The following HBP1 variants were observed in gnomAD, a reference collection of about 807,000 sequenced individuals.
HBP1 encodes HMG box-containing protein 1.
A neutral mutation model predicts 62.6 loss-of-function variants in HBP1; 20 were observed. That is an observed-to-expected ratio of 0.32 (90% CI 0.22 to 0.46). The LOEUF is 0.46. Ranked by LOEUF, HBP1 falls within the 20% of genes least tolerant of loss-of-function variation. The probability of loss-of-function intolerance (pLI) is 1.00; values close to 1 mark genes in which losing one functional copy is unlikely to be tolerated. For synonymous variants in HBP1, 232 were observed against 206.2 expected (o/e 1.12, Z -1.07); for missense variants, 480 against 611.8 (o/e 0.78, Z 2.27).
chr7:107,176,700 A>AT (rs10713097), intron 1 of HBP1, among the ~76,000 whole-genome samples: 2,432 of 129,912 alleles, frequency 0.019, 65 homozygotes, highest in African/African-American at 0.056. Flanking sequence ...AATTTGCTCC[A>AT]TTTTTTTTTT....
intron 1 of HBP1, among the ~76,000 whole-genome samples, chr7:107,171,073 A>ATATATATATATATT: frequency 4.6e-5 from 4 of 87,192 alleles, no homozygotes; most frequent in African/African-American, 2.0e-4. Flanking sequence ...ATATATATAT[A>ATATATATATATATT]TTTTTTTTTT....
intron 8 of HBP1, among the ~76,000 whole-genome samples, chr7:107,193,567 GGTTT>G (rs1242464059): frequency 3.9e-5 from 6 of 152,050 alleles, no homozygotes; most frequent in Non-Finnish European, 7.4e-5. Context: ...GAGGCTACAG[GGTTT>G]ATTTAACTTG....
intron 1 of HBP1, among the ~76,000 whole-genome samples, chr7:107,177,290 C>T (rs556745487): frequency 1.3e-5 from 2 of 152,246 alleles, no homozygotes; most frequent in Admixed American, 6.5e-5. Flanking sequence ...AATCAAAACC[C>T]GTTTCCTTAC....
Position 107,169,124 on chromosome 7 carries a change from C to G in HBP1, c.-77C>G, listed in dbSNP as rs1584465602. On this transcript the variant is annotated 5_prime_UTR_variant, in exon 1 of 11. Transcript: ENST00000222574. ...GTCGGTCGGAGAGGGGGTACGAGAGCTGCTGGTGGTGTTGTCGTGGCCGGA... is the reference window on the plus strand; with the variant it reads ...GTCGGTCGGAGAGGGGGTACGAGAGGTGCTGGTGGTGTTGTCGTGGCCGGA... The G allele has an allele frequency of 1.1e-5, 14 of 1,257,010 alleles. No individual in the cohort carries two copies. The highest frequency in any genetic ancestry group is 1.2e-5 in the Non-Finnish European group (12 of 971,644). 77.9% of individuals were successfully genotyped at this position (1,257,010 alleles called of 1,614,324 possible).
chr7:107,182,506 T>TTC lies in HBP1; in HGVS notation c.303_304insTC (p.Thr102SerfsTer11), dbSNP rs1797157849. The TTC allele has an allele frequency of 1.2e-6, 2 of 1,613,272 alleles. No individual in the cohort carries two copies. Among genetic ancestry groups the TTC allele is most frequent in the Non-Finnish European group, 1.7e-6 (2 of 1,179,350 alleles). On this transcript the variant is annotated frameshift_variant, in exon 3 of 11. Coordinates refer to ENST00000222574, the MANE Select transcript of HBP1 (RefSeq NM_012257.4). LOFTEE classifies it high-confidence loss of function. Reference sequence around the variant, plus strand: ...AAAATACCTCAGACATACCAGAAACTACTTACCGTGAAAATGAGGTGGACT... The same window carrying TTC: ...AAAATACCTCAGACATACCAGAAACTTCACTTACCGTGAAAATGAGGTGGACT...
At chr7:107,174,778 G>A (rs1796754273) in intron 1 of HBP1, 1 of 840,522 alleles carries the variant, frequency 1.2e-6, no homozygotes, top group Admixed American at 6.2e-5. Context: ...GTTCAGATAA[G>A]GTTGACTGTG....
chr7:107,198,009 C>G (rs1798009523), intron 9 of HBP1, among the ~76,000 whole-genome samples: 1 of 152,082 alleles, frequency 6.6e-6, no homozygotes, highest in African/African-American at 2.4e-5. Flanking sequence ...CATCTAGAAA[C>G]AGGATTCACG....
chr7:107,169,853 G>A, intron 1 of HBP1: 1 of 985,492 alleles, frequency 1.0e-6, no homozygotes, highest in Non-Finnish European at 1.2e-6. Flanking sequence ...AAGAGGGTGG[G>A]GGATGGACTT....
intron 10 of HBP1, chr7:107,200,746 T>C (rs1347622845): frequency 6.5e-6 from 1 of 153,278 alleles, no homozygotes; most frequent in Non-Finnish European, 1.5e-5. Flanking sequence ...TGGGGACTTG[T>C]GCCATTGGCA....
chr7:107,174,804 T>A (rs1378802502), intron 1 of HBP1: 1 of 552,078 alleles, frequency 1.8e-6, no homozygotes, highest in Non-Finnish European at 2.3e-6. Context: ...CACATCTGTA[T>A]GTGAAGCATA....
At chr7:107,177,503 C>A (rs979058423) in intron 1 of HBP1, among the ~76,000 whole-genome samples, 23 of 152,098 alleles carry the variant, frequency 1.5e-4, no homozygotes, top group African/African-American at 5.3e-4. Context: ...ATCTAGCAAT[C>A]TAAAATAATC....
At chr7:107,175,648 A>G (rs971156044) in intron 1 of HBP1, among the ~76,000 whole-genome samples, 15 of 151,780 alleles carry the variant, frequency 9.9e-5, no homozygotes, top group African/African-American at 3.6e-4. Flanking sequence ...TTCTGATCTC[A>G]CTAGGACTTT....
rs1402306368 is a variant in HBP1 at position 107,201,577 on chromosome 7, AAT to A, written c.*149_*150del. On this transcript the variant is annotated 3_prime_UTR_variant, in exon 11 of 11. Transcript: ENST00000222574. ...GCATTGAGTCTTGAAATGATTTAAT[AAT>A]ATGAGTGAGGATTTGCTTTCTCCAT... The A allele has an allele frequency of 1.1e-5, 5 of 468,332 alleles. No homozygotes were observed. Among genetic ancestry groups the A allele is most frequent in the South Asian group, 5.0e-5 (1 of 20,126 alleles). The allele number at this position is 468,332 out of a possible 1,614,324, so 29.0% of individuals were successfully genotyped here.
At chr7:107,183,381 A>G (rs994909072) in intron 3 of HBP1, among the ~76,000 whole-genome samples, 7 of 152,210 alleles carry the variant, frequency 4.6e-5, no homozygotes, top group African/African-American at 1.7e-4. Context: ...GAATAAACTT[A>G]TTAGGTATGA....
At chr7:107,197,983 T>TAAAC (rs1798008100) in intron 9 of HBP1, among the ~76,000 whole-genome samples, 4 of 152,148 alleles carry the variant, frequency 2.6e-5, no homozygotes, top group Non-Finnish European at 4.4e-5. Flanking sequence ...ATTTAATTAT[T>TAAAC]AAACATATCC....
intron 1 of HBP1, chr7:107,174,818 C>T (rs1584474908): frequency 1.2e-5 from 5 of 433,830 alleles, no homozygotes; most frequent in Non-Finnish European, 1.5e-5. Flanking sequence ...AAGCATAGTA[C>T]GGATATTCAT....
At chr7:107,196,297 C>T (rs1373559990) in intron 9 of HBP1, 146 bp downstream of exon 9, 3 of 688,102 alleles carry the variant, frequency 4.4e-6, no homozygotes, top group Non-Finnish European at 7.9e-6. Flanking sequence ...GAGACGGAGT[C>T]TCGCTGTGTC....
Position 107,193,871 on chromosome 7 carries a change from A to G in HBP1, c.1068-1963A>G, listed in dbSNP as rs1011109349. ...TTAATATTTCTGTGGCTCCTTTAAA[A>G]AAATCTGTAGAATGGGGATAATATT... is the stretch of plus-strand genomic sequence containing the variant. On this transcript the variant is annotated intron_variant, in intron 8 of 10. Coordinates refer to ENST00000222574, the MANE Select transcript of HBP1 (RefSeq NM_012257.4). Among the ~76,000 whole-genome samples the G allele has an allele frequency of 6.6e-5, 10 of 152,216 alleles. 1 individual carries two copies. The highest frequency in any genetic ancestry group is 2.2e-4 in the African/African-American group (9 of 41,462).
At chr7:107,200,548 A>G in intron 10 of HBP1, 1 of 322,506 alleles carries the variant, frequency 3.1e-6, no homozygotes, top group Non-Finnish European at 5.6e-6. Context: ...TGTTCTAAAC[A>G]TTGAGTTGGA....
Sources: gnomAD v4.1 joint callset for allele counts (sites outside exome capture counted in the v4.1 genomes callset) on GRCh38, gnomAD v4.1.1 for gene constraint, MANE v1.5 for transcripts, NCBI Gene and HGNC (gene_info 2026-07-23, HGNC 2026-07-21) for gene names.